Variants in ANKRD12 observed in about 807,000 individuals in gnomAD.
The protein encoded by ANKRD12 is ankyrin repeat domain-containing protein 12.
ANKRD12 carries 85 observed loss-of-function variants against 183.4 expected under a neutral mutation model. That is an observed-to-expected ratio of 0.46 (90% CI 0.39 to 0.56). The LOEUF is 0.56. Among genes scored for constraint, ANKRD12 ranks in the 20% least tolerant of loss-of-function variants. The probability of loss-of-function intolerance (pLI) is 0.00; values close to 1 mark genes in which losing one functional copy is unlikely to be tolerated. For synonymous variants in ANKRD12, 914 were observed against 800.2 expected (o/e 1.14, Z -2.40); for missense variants, 2,405 against 2,357.1 (o/e 1.02, Z -0.42).
chr18:9,185,144 G>A (rs1275398962), intron 2 of ANKRD12, among the ~76,000 whole-genome samples: 2 of 152,314 alleles, frequency 1.3e-5, no homozygotes, highest in Non-Finnish European at 1.5e-5. Flanking sequence ...TTGGGATGTA[G>A]CCTATGAAGG....
Position 9,211,649 on chromosome 18 carries a change from C to T in ANKRD12, c.517C>T (p.Arg173Ter), listed in dbSNP as rs1280180353. ...AQKKTPSSSS[R>*]QKDKVNKRNE... ...AAAGAAAACTCCCAGTTCTTCATCT[C>T]GACAGAAAGATAAAGTTAATAAAAG... is the stretch of plus-strand genomic sequence containing the variant. The change falls in exon 6 of 13, where the codon CGA becomes TGA. Residue 173 changes from arginine to a stop codon, truncating the protein, a stop_gained. Transcript: ENST00000262126. LOFTEE classifies it high-confidence loss of function. The T allele has an allele frequency of 6.2e-7, 1 of 1,613,714 alleles. No homozygotes were observed.
intron 9 of ANKRD12, among the ~76,000 whole-genome samples, chr18:9,262,635 T>A (rs569186347): frequency 6.4e-4 from 95 of 149,570 alleles, no homozygotes; most frequent in African/African-American, 2.3e-3. Context: ...AATTTTTAAA[T>A]TTTTTTTTTG....
intron 1 of ANKRD12, among the ~76,000 whole-genome samples, chr18:9,138,925 T>C (rs1203882173): frequency 6.6e-6 from 1 of 152,224 alleles, no homozygotes; most frequent in Admixed American, 6.5e-5. Context: ...TTTAACTCGT[T>C]ATGTGTTTTA....
At chr18:9,182,541 T>C (rs768605911) in intron 2 of ANKRD12, 22 bp downstream of exon 2, 161 of 1,480,924 alleles carry the variant, frequency 1.1e-4, no homozygotes, top group Non-Finnish European at 9.4e-5. Context: ...TACTAAAGAT[T>C]TGTTGACTTT....
intron 1 of ANKRD12, among the ~76,000 whole-genome samples, chr18:9,176,755 AATT>A (rs2033301759): frequency 6.6e-6 from 1 of 152,202 alleles, no homozygotes; most frequent in Non-Finnish European, 1.5e-5. Context: ...TTATAAATAA[AATT>A]ATTTAGAAAT....
chr18:9,203,464 T>C (rs1164508033), intron 3 of ANKRD12, among the ~76,000 whole-genome samples: 1 of 152,298 alleles, frequency 6.6e-6, no homozygotes, highest in East Asian at 1.9e-4. Flanking sequence ...TGAAATGGCA[T>C]TTATAAGTCA....
chr18:9,206,781 C>T (rs2035512640), intron 4 of ANKRD12, among the ~76,000 whole-genome samples: 1 of 151,936 alleles, frequency 6.6e-6, no homozygotes, highest in Admixed American at 6.6e-5. Context: ...TATCTTTTTA[C>T]TGTTGCCTGA....
intron 9 of ANKRD12, among the ~76,000 whole-genome samples, chr18:9,262,062 C>T (rs888916326): frequency 3.9e-5 from 6 of 152,168 alleles, no homozygotes; most frequent in African/African-American, 1.4e-4. Flanking sequence ...GTTGTTTGTC[C>T]TGTAGAATTT....
chr18:9,140,501 C>G (rs905934716), intron 1 of ANKRD12, among the ~76,000 whole-genome samples: 1 of 152,168 alleles, frequency 6.6e-6, no homozygotes, highest in Non-Finnish European at 1.5e-5. Flanking sequence ...CTCATGTATA[C>G]TCATGCATTC....
chr18:9,213,788 GTTTA>G (rs1195027362), intron 6 of ANKRD12, among the ~76,000 whole-genome samples: 2 of 151,720 alleles, frequency 1.3e-5, no homozygotes, highest in Non-Finnish European at 3.0e-5. Context: ...AAGTAATTAA[GTTTA>G]TTTTAGTTAA....
Position 9,211,485 on chromosome 18 carries a change from TTGTG to T in ANKRD12, c.452-97_452-94del, listed in dbSNP as rs548984879. ...GGTTGTTAGGGTGAGAAGGCATTCC[TTGTG>T]TTTCAGGAGATTAGCATATTACCAA... On this transcript the variant is annotated intron_variant, in intron 5 of 12. Transcript: ENST00000262126. 22 of 1,097,986 alleles carry T rather than the reference TTGTG, an allele frequency of 2.0e-5. 1 individual carries two copies. The South Asian group carries it at 2.6e-4, about 13-fold the overall frequency. The allele number at this position is 1,097,986 out of a possible 1,614,324, so 68.0% of individuals were successfully genotyped here.
chr18:9,257,839 A>C lies in ANKRD12; in HGVS notation c.4572A>C (p.Gln1524His). The change falls in exon 9 of 13, where the codon CAA (glutamine) becomes CAC (histidine). Residue 1524 changes from glutamine to histidine, a missense_variant. Coordinates refer to ENST00000262126, the MANE Select transcript of ANKRD12 (RefSeq NM_015208.5). Reference sequence around the variant, plus strand: ...ATCAAGAGCCAGGTATTTTACAACAAAAAAATGCAGTTCAGATTATTAGTT... The same window carrying C: ...ATCAAGAGCCAGGTATTTTACAACACAAAAATGCAGTTCAGATTATTAGTT... The part of the protein sequence containing the change: ...VANQEPGILQ[Q>H]KNAVQIISSA... 6.2e-7 allele frequency: 1 copy of C among 1,613,674 alleles called. No individual in the cohort carries two copies. The highest frequency in any genetic ancestry group is 8.5e-7 in the Non-Finnish European group (1 of 1,179,896).
At chr18:9,229,111 A>G (rs7231452) in intron 8 of ANKRD12, among the ~76,000 whole-genome samples, 120,540 of 151,982 alleles carry the variant, frequency 0.79, 48,001 homozygotes, top group Middle Eastern at 0.88. Context: ...ATCAAAGATC[A>G]TTTGGCTGTA....
intron 2 of ANKRD12, among the ~76,000 whole-genome samples, chr18:9,184,545 A>G (rs2033919241): frequency 6.6e-6 from 1 of 152,060 alleles, no homozygotes; most frequent in Non-Finnish European, 1.5e-5. Context: ...GGTGCACACC[A>G]CTATGCCCAG....
chr18:9,139,248 C>A (rs111861877), intron 1 of ANKRD12, among the ~76,000 whole-genome samples: 2 of 152,018 alleles, frequency 1.3e-5, no homozygotes, highest in African/African-American at 2.4e-5. Context: ...GGAAAAAAGC[C>A]TGAATTTTAT....
intron 8 of ANKRD12, among the ~76,000 whole-genome samples, chr18:9,251,572 T>G (rs1309372622): frequency 6.6e-6 from 1 of 152,148 alleles, no homozygotes; most frequent in Non-Finnish European, 1.5e-5. Flanking sequence ...GGTGGGTGGA[T>G]CACCTGAGGT....
At chr18:9,275,721 G>A in intron 11 of ANKRD12, 54 bp downstream of exon 11, 1 of 1,422,316 alleles carries the variant, frequency 7.0e-7, no homozygotes, top group East Asian at 2.5e-5. Context: ...ATGCAACTTG[G>A]CTATTTTTAG....
intron 10 of ANKRD12, among the ~76,000 whole-genome samples, chr18:9,269,338 C>G (rs1598761842): frequency 6.6e-6 from 1 of 152,298 alleles, no homozygotes; most frequent in Non-Finnish European, 1.5e-5. Flanking sequence ...AAGAACAAAG[C>G]TGGAGGCATC....
At position 9,280,943 on chromosome 18, in the gene ANKRD12, C is replaced by T. The variant is rs778539304; in HGVS notation, c.6006C>T (p.Thr2002=). 1.1e-5 allele frequency: 17 copies of T among 1,607,804 alleles called. No homozygotes were observed. In the African/African-American group the frequency reaches 1.9e-4, roughly 18 times the overall value. ...AACTCTTCTCTTCTTTTAAATAGAC[C>T]TGTCTTTTAATGAGGCAACAACATG... is the stretch of plus-strand genomic sequence containing the variant. ...DVDDKFDKLK[T]CLLMRQQHEA... The change falls in exon 13 of 13, where the codon ACC becomes ACT. Residue 2002 remains threonine (T), a splice_region_variant and synonymous_variant. Transcript: ENST00000262126.
Sources: gnomAD v4.1 joint callset for allele counts (sites outside exome capture counted in the v4.1 genomes callset) on GRCh38, gnomAD v4.1.1 for gene constraint, MANE v1.5 for transcripts, NCBI Gene and HGNC (gene_info 2026-07-23, HGNC 2026-07-21) for gene names.